TBC1D9: variants seen among roughly 807,000 people sequenced by gnomAD.
TBC1D9 encodes TBC1 domain family member 9A.
A neutral mutation model predicts 132.0 loss-of-function variants in TBC1D9; 63 were observed. The ratio of observed to expected loss-of-function variants is 0.48; its 90% CI spans 0.39 to 0.59. The LOEUF is 0.59. Among genes scored for constraint, TBC1D9 ranks in the 20% least tolerant of loss-of-function variants. TBC1D9 has a pLI of 0.00. For missense variants in TBC1D9, 1,261 were observed against 1,592.7 expected (o/e 0.79, Z 3.54); for synonymous variants, 610 against 609.9 (o/e 1.00, Z 0.00).
At chr4:140,647,146 G>A (rs1260371272) in intron 13 of TBC1D9, among the ~76,000 whole-genome samples, 1 of 152,154 alleles carries the variant, frequency 6.6e-6, no homozygotes, top group Non-Finnish European at 1.5e-5. Flanking sequence ...TGAGACAGAA[G>A]GAAAGACAGT....
rs1382500714 is a variant in TBC1D9, at chr4:140,709,248, T to TCTCTCTCTCTCACACA, written c.131-7635_131-7634insTGTGTGAGAGAGAGAG. Among the ~76,000 whole-genome samples, 137 of 104,186 alleles carry TCTCTCTCTCTCACACA rather than the reference T, an allele frequency of 1.3e-3. 3 individuals are homozygous for TCTCTCTCTCTCACACA. The highest frequency in any genetic ancestry group is 5.8e-3 in the African/African-American group (131 of 22,686). The allele number at this position is 104,186 out of a possible 152,430, so 68.4% of individuals were successfully genotyped here. ...CTCTCTCTCTCTCTCTCTCTCTCTCTCACACACACACACACACACACACAC... is the reference window on the plus strand; with the variant it reads ...CTCTCTCTCTCTCTCTCTCTCTCTCTCTCTCTCTCTCACACACACACACACACACACACACACACAC... On this transcript the variant is annotated intron_variant, in intron 1 of 20. Coordinates refer to ENST00000442267, the MANE Select transcript of TBC1D9 (RefSeq NM_015130.3).
At chr4:140,660,751 G>A (rs971615395) in intron 10 of TBC1D9, among the ~76,000 whole-genome samples, 1 of 151,752 alleles carries the variant, frequency 6.6e-6, no homozygotes, top group African/African-American at 2.4e-5. Context: ...AGTCTATGTG[G>A]GGGGTTATTT....
chr4:140,735,985 G>A (rs1211502226), intron 1 of TBC1D9, among the ~76,000 whole-genome samples: 1 of 152,122 alleles, frequency 6.6e-6, no homozygotes. Context: ...AAAAGTTACC[G>A]AGTGCTTTTC....
chr4:140,733,844 T>A (rs1442156684), intron 1 of TBC1D9, among the ~76,000 whole-genome samples: 1 of 152,186 alleles, frequency 6.6e-6, no homozygotes, highest in African/African-American at 2.4e-5. Context: ...AAAAAACAAA[T>A]GGGCTGACAA....
At chr4:140,713,799 A>G (rs1159216782) in intron 1 of TBC1D9, among the ~76,000 whole-genome samples, 1 of 152,132 alleles carries the variant, frequency 6.6e-6, no homozygotes, top group Non-Finnish European at 1.5e-5. Context: ...TATTGGAACT[A>G]TACACTATAA....
At chr4:140,648,389 T>G (rs1358777283) in intron 13 of TBC1D9, among the ~76,000 whole-genome samples, 19 of 150,046 alleles carry the variant, frequency 1.3e-4, no homozygotes, top group South Asian at 4.2e-4. Context: ...GTTGTTGTTT[T>G]TTTTTTTTTT....
intron 13 of TBC1D9, chr4:140,642,821 C>T (rs1448686800): frequency 1.8e-5 from 11 of 602,466 alleles, no homozygotes; most frequent in Non-Finnish European, 3.2e-5. Flanking sequence ...CCCCCTCTTG[C>T]GGGCGGGCGA....
At chr4:140,698,410 T>G (rs545934975) in intron 2 of TBC1D9, among the ~76,000 whole-genome samples, 2 of 152,208 alleles carry the variant, frequency 1.3e-5, no homozygotes, top group South Asian at 4.1e-4. Flanking sequence ...ATGGTTATAG[T>G]CAATTGTCAT....
intron 1 of TBC1D9, among the ~76,000 whole-genome samples, chr4:140,741,307 G>A (rs1738754335): frequency 6.6e-6 from 1 of 152,168 alleles, no homozygotes; most frequent in Non-Finnish European, 1.5e-5. Context: ...GCCCTGCAAA[G>A]CTATCTCTTG....
intron 20 of TBC1D9, among the ~76,000 whole-genome samples, chr4:140,623,606 A>C (rs1356227671): frequency 6.6e-6 from 1 of 152,118 alleles, no homozygotes; most frequent in Non-Finnish European, 1.5e-5. Context: ...GTTAGCTCCA[A>C]TCCCTCCTCC....
intron 1 of TBC1D9, among the ~76,000 whole-genome samples, chr4:140,747,297 A>G (rs568985094): frequency 9.2e-5 from 14 of 151,964 alleles, no homozygotes; most frequent in Admixed American, 4.6e-4. Flanking sequence ...GATTGCAGTG[A>G]GCCAAGAGTG....
At chr4:140,705,543 C>T (rs948334767) in intron 1 of TBC1D9, among the ~76,000 whole-genome samples, 3 of 143,362 alleles carry the variant, frequency 2.1e-5, no homozygotes, top group East Asian at 2.1e-4. Context: ...TGTGTGTGTG[C>T]GTTTTAAACC....
At chr4:140,729,846 T>A (rs199741402) in intron 1 of TBC1D9, among the ~76,000 whole-genome samples, 544 of 65,982 alleles carry the variant, frequency 8.2e-3, no homozygotes, top group South Asian at 0.012. Flanking sequence ...AAAAAAAAAA[T>A]CCCCTTGAGT....
chr4:140,660,811 G>A (rs539446182), intron 10 of TBC1D9, among the ~76,000 whole-genome samples: 1 of 152,188 alleles, frequency 6.6e-6, no homozygotes. Flanking sequence ...GGAGACTAAC[G>A]TGTGCATGTA....
At chr4:140,744,079 C>T (rs890106121) in intron 1 of TBC1D9, among the ~76,000 whole-genome samples, 4 of 152,072 alleles carry the variant, frequency 2.6e-5, no homozygotes, top group African/African-American at 9.7e-5. Flanking sequence ...CAATGGAATT[C>T]TGTGAACAAA....
chr4:140,676,872 T>C (rs1383366079), intron 6 of TBC1D9, 22 bp downstream of exon 6: 1 of 1,608,518 alleles, frequency 6.2e-7, no homozygotes, highest in Admixed American at 1.7e-5. Flanking sequence ...ACTTAAAATA[T>C]CAATTTTTAT....
intron 1 of TBC1D9, among the ~76,000 whole-genome samples, chr4:140,730,343 C>T (rs1049052973): frequency 2.0e-5 from 3 of 152,148 alleles, no homozygotes; most frequent in East Asian, 1.9e-4. Context: ...ATTGTTGGTA[C>T]CAGGGGATAT....
intron 1 of TBC1D9, among the ~76,000 whole-genome samples, chr4:140,707,229 G>C (rs1264652761): frequency 6.6e-6 from 1 of 151,490 alleles, no homozygotes; most frequent in African/African-American, 2.4e-5. Flanking sequence ...CTTGTTTATT[G>C]GCCATTCCAA....
chr4:140,724,972 G>C (rs1261704460), intron 1 of TBC1D9, among the ~76,000 whole-genome samples: 2 of 152,042 alleles, frequency 1.3e-5, no homozygotes, highest in Non-Finnish European at 2.9e-5. Context: ...CGTGCAACTT[G>C]GTAAAACCCC....
Sources: gnomAD v4.1 joint callset for allele counts (sites outside exome capture counted in the v4.1 genomes callset) on GRCh38, gnomAD v4.1.1 for gene constraint, MANE v1.5 for transcripts, NCBI Gene and HGNC (gene_info 2026-07-23, HGNC 2026-07-21) for gene names.